ZNF536: variants seen among roughly 807,000 people sequenced by gnomAD.
ZNF536 encodes zinc finger protein 536.
Under a neutral mutation model 84.5 loss-of-function variants are expected in ZNF536, and 13 were observed. The ratio of observed to expected loss-of-function variants is 0.15; its 90% CI spans 0.10 to 0.24. The LOEUF is 0.24. Among genes scored for constraint, ZNF536 ranks in the 10% least tolerant of loss-of-function variants. The pLI is 1.00. For synonymous variants in ZNF536, 811 were observed against 742.5 expected (o/e 1.09, Z -1.50); for missense variants, 1,536 against 1,747.5 (o/e 0.88, Z 2.16).
chr19:30,712,144 T>C (rs2052472016), exon 2 of ZNF536: 1 of 152,212 alleles, frequency 6.6e-6, no homozygotes, highest in African/African-American at 2.4e-5. Context: ...AAATGTGTTC[T>C]ATATTTTTGT....
At chr19:30,595,961 C>G (rs1192560759) in intron 1 of ZNF536, among the ~76,000 whole-genome samples, 4 of 152,116 alleles carry the variant, frequency 2.6e-5, no homozygotes, top group Admixed American at 1.3e-4. Flanking sequence ...AGGGCAGCCC[C>G]ACTTCTATAG....
chr19:30,371,982 A>G (rs1463996844), upstream of ZNF536, among the ~76,000 whole-genome samples: 1 of 152,192 alleles, frequency 6.6e-6, no homozygotes, highest in Admixed American at 6.5e-5. Flanking sequence ...AGTTAATTTC[A>G]GCACCAAGGC....
intron 2 of ZNF536, among the ~76,000 whole-genome samples, chr19:30,452,830 C>T (rs1469050663): frequency 1.3e-5 from 2 of 152,134 alleles, no homozygotes; most frequent in African/African-American, 4.8e-5. Context: ...GGTGTCTCAC[C>T]TCCCTTCGTC....
At chr19:30,361,788 G>C (rs997138450) in intron 3 of ZNF536, among the ~76,000 whole-genome samples, 2 of 145,802 alleles carry the variant, frequency 1.4e-5, no homozygotes, top group Non-Finnish European at 3.0e-5. Flanking sequence ...CCCTGCGGGC[G>C]GCCTGGCAAG....
chr19:30,480,829 A>G (rs138727861), intron 2 of ZNF536, among the ~76,000 whole-genome samples: 2,544 of 152,366 alleles, frequency 0.017, 27 homozygotes, highest in Non-Finnish European at 0.03. Flanking sequence ...TAAGGTCAGA[A>G]GTTCAAGACC....
chr19:30,486,330 T>G (rs1485908235), intron 2 of ZNF536, among the ~76,000 whole-genome samples: 2 of 152,178 alleles, frequency 1.3e-5, no homozygotes, highest in African/African-American at 2.4e-5. Flanking sequence ...CAGCTCCCAC[T>G]TAAAAGTGAG....
At chr19:30,467,154 G>A (rs1170008641) in intron 2 of ZNF536, among the ~76,000 whole-genome samples, 2 of 152,120 alleles carry the variant, frequency 1.3e-5, no homozygotes, top group Non-Finnish European at 2.9e-5. Context: ...ATTTTTAAGA[G>A]CACGATTTGT....
intron 4 of ZNF536, among the ~76,000 whole-genome samples, chr19:30,551,125 T>A (rs564509122): frequency 6.6e-6 from 1 of 151,722 alleles, no homozygotes; most frequent in African/African-American, 2.4e-5. Flanking sequence ...TATTGTTGTT[T>A]AGAGTCTTTT....
At chr19:30,231,019 T>C (rs1193783041) in intron 1 of ZNF536, among the ~76,000 whole-genome samples, 2 of 151,056 alleles carry the variant, frequency 1.3e-5, no homozygotes, top group African/African-American at 4.9e-5. Flanking sequence ...AGAAAGCAAA[T>C]AGATTTATTT....
At chr19:30,567,893 T>C (rs535741304) in intron 1 of ZNF536, among the ~76,000 whole-genome samples, 29 of 152,294 alleles carry the variant, frequency 1.9e-4, no homozygotes, top group African/African-American at 6.5e-4. Context: ...CAGAGGTCGA[T>C]GGCTGGGATC....
At position 30,320,858 on chromosome 19, in the gene ZNF536, C is replaced by T. The variant is rs188045335; in HGVS notation, c.-119-31510C>T. Reference sequence around the variant, plus strand: ...AGGAGAAGGCCCACTGTGCGCCGGACGTGTCACAAAAACAGAGGCACATTC... The same window carrying T: ...AGGAGAAGGCCCACTGTGCGCCGGATGTGTCACAAAAACAGAGGCACATTC... On this transcript the variant is annotated intron_variant, in intron 2 of 5. Coordinates refer to the ZNF536 transcript ENST00000585628. Among the ~76,000 whole-genome samples the T allele has an allele frequency of 7.2e-5, 11 of 152,248 alleles. No individual in the cohort carries two copies. In the South Asian group the frequency reaches 1.7e-3, roughly 23 times the overall value.
intron 1 of ZNF536, among the ~76,000 whole-genome samples, chr19:30,614,616 A>C (rs1027059851): frequency 6.6e-6 from 1 of 151,924 alleles, no homozygotes; most frequent in Non-Finnish European, 1.5e-5. Flanking sequence ...ATCTTTCCAT[A>C]TGTTTAAAAA....
At chr19:30,588,043 A>G (rs1275570709) in intron 1 of ZNF536, among the ~76,000 whole-genome samples, 1 of 152,226 alleles carries the variant, frequency 6.6e-6, no homozygotes, top group Admixed American at 6.5e-5. Flanking sequence ...CCCCAGCTGC[A>G]AAGTGCACTC....
chr19:30,513,596 GA>G, intron 2 of ZNF536, among the ~76,000 whole-genome samples: 2 of 152,280 alleles, frequency 1.3e-5, no homozygotes, highest in Middle Eastern at 3.4e-3. Flanking sequence ...ATGAAGAGAG[GA>G]AAACAAGGCA....
chr19:30,243,684 T>C (rs10424161), intron 1 of ZNF536, among the ~76,000 whole-genome samples: 31,953 of 151,994 alleles, frequency 0.21, 3,953 homozygotes, highest in East Asian at 0.5. Context: ...TTGACAGTGC[T>C]AGTGCTGTAT....
At chr19:30,578,082 G>A (rs778704898) in intron 1 of ZNF536, among the ~76,000 whole-genome samples, 3 of 152,176 alleles carry the variant, frequency 2.0e-5, no homozygotes, top group Non-Finnish European at 4.4e-5. Context: ...CTGCCTCCTG[G>A]TTCTTTTTAC....
At chr19:30,509,081 T>A (rs932554388) in intron 2 of ZNF536, among the ~76,000 whole-genome samples, 1 of 151,040 alleles carries the variant, frequency 6.6e-6, no homozygotes, top group Non-Finnish European at 1.5e-5. Flanking sequence ...GTGATCATCC[T>A]GCCTTGACTT....
intron 1 of ZNF536, among the ~76,000 whole-genome samples, chr19:30,661,161 A>G (rs904155724): frequency 6.6e-6 from 1 of 152,242 alleles, no homozygotes; most frequent in South Asian, 2.1e-4. Flanking sequence ...GTTGAAAAAA[A>G]ATCATTTCAA....
chr19:30,439,012 C>G lies in ZNF536; in HGVS notation c.-2-4549C>G, dbSNP rs545630116. On this transcript the variant is annotated intron_variant, in intron 1 of 4. Coordinates refer to ENST00000355537, the MANE Select transcript of ZNF536 (RefSeq NM_014717.3). The stretch of plus-strand genomic sequence containing the variant: ...GCAGGCAGCTCCACTTCCTCCAGCC[C>G]CATGAGCTCTTATGTCTGCAGCTGG... Among the ~76,000 whole-genome samples, 7 of 152,212 alleles carry G rather than the reference C, an allele frequency of 4.6e-5. No individual in the cohort carries two copies. The East Asian group carries it at 1.4e-3, about 29-fold the overall frequency.
Sources: allele counts gnomAD v4.1 joint callset (sites outside exome capture counted in the v4.1 genomes callset), GRCh38; gene constraint gnomAD v4.1.1; transcripts MANE v1.5; gene names NCBI Gene and HGNC (gene_info 2026-07-23, HGNC 2026-07-21).